MCTP2: variants seen among roughly 807,000 people sequenced by gnomAD.
The protein encoded by MCTP2 is multiple C2 and transmembrane domain-containing protein 2.
MCTP2 carries 132 observed loss-of-function variants against 111.6 expected under a neutral mutation model. The observed-to-expected ratio is 1.18, with a 90% CI of 1.03 to 1.37. The LOEUF (loss-of-function observed/expected upper bound fraction) is 1.37, where lower values mean the gene tolerates loss of function less well. Ranked by LOEUF, MCTP2 falls within the 40% of genes most tolerant of loss-of-function variation. MCTP2 has a pLI of 0.00. For missense variants in MCTP2, 1,183 were observed against 1,067.9 expected (o/e 1.11, Z -1.50); for synonymous variants, 395 against 387.7 (o/e 1.02, Z -0.22).
chr15:94,248,453 C>T (rs116599406), intron 1 of MCTP2, among the ~76,000 whole-genome samples: 2,420 of 152,288 alleles, frequency 0.016, 55 homozygotes, highest in African/African-American at 0.054. Flanking sequence ...ACTTTGCTCC[C>T]AATGAGAGCT....
intron 20 of MCTP2, among the ~76,000 whole-genome samples, chr15:94,459,823 C>T (rs1413030768): frequency 6.6e-6 from 1 of 152,116 alleles, no homozygotes; most frequent in Non-Finnish European, 1.5e-5. Context: ...ATAGCAACAC[C>T]AACTGTTATC....
In MCTP2 at chr15:94,470,342, C is replaced by A; in HGVS notation, c.2370C>A (p.Asn790Lys). The A allele has an allele frequency of 1.9e-6, 3 of 1,612,002 alleles. No individual in the cohort carries two copies. The highest frequency in any genetic ancestry group is 2.5e-6 in the Non-Finnish European group (3 of 1,178,102). The change falls in exon 21 of 23, where the codon AAC becomes AAA. Residue 790 changes from asparagine to lysine, a missense_variant. Asn to Lys is a moderately conservative substitution (Grantham distance 94). Transcript: ENST00000357742. Reference sequence around the variant, plus strand: ...TGTGGTTTGTCTACAGCACATTTAACTGGACGGTCCCCTTCCTTTCATCTC... The same window carrying A: ...TGTGGTTTGTCTACAGCACATTTAAATGGACGGTCCCCTTCCTTTCATCTC... ...SFGERIKNTF[N>K]WTVPFLSSLA...
intron 20 of MCTP2, among the ~76,000 whole-genome samples, chr15:94,466,892 C>G (rs1186443245): frequency 6.6e-6 from 1 of 152,022 alleles, no homozygotes; most frequent in Non-Finnish European, 1.5e-5. Flanking sequence ...ATGATAAAGT[C>G]TATTCCTTTT....
intron 20 of MCTP2, 22 bp from the exon 21 acceptor site, chr15:94,470,311 T>C (rs2073812303): frequency 6.7e-7 from 1 of 1,497,684 alleles, no homozygotes; most frequent in Middle Eastern, 1.7e-4. Flanking sequence ...GAGGAAATTA[T>C]ATTTATGTGG....
In MCTP2 at chr15:94,477,343, A is replaced by G. The variant is rs143148402; in HGVS notation, c.2568+550A>G. On this transcript the variant is annotated intron_variant, in intron 22 of 22. Coordinates refer to ENST00000357742, the MANE Select transcript of MCTP2 (RefSeq NM_001385001.1). Reference sequence around the variant, plus strand: ...AGGCAGTGTGAAATAATGTGAGATCAATCAGAAGTATTATTCACAGATAAT... The same window carrying G: ...AGGCAGTGTGAAATAATGTGAGATCGATCAGAAGTATTATTCACAGATAAT... Among the ~76,000 whole-genome samples, 449 of 152,336 alleles carry G rather than the reference A, an allele frequency of 2.9e-3. 2 individuals are homozygous for G. Among genetic ancestry groups the G allele is most frequent in the African/African-American group, 1.0e-2 (414 of 41,584 alleles).
intron 18 of MCTP2, among the ~76,000 whole-genome samples, chr15:94,440,904 C>A (rs907107454): frequency 6.6e-6 from 1 of 152,184 alleles, no homozygotes; most frequent in African/African-American, 2.4e-5. Context: ...ACTCATCTCA[C>A]TTCCACTCTG....
chr15:94,291,505 G>A (rs950786479), intron 1 of MCTP2, among the ~76,000 whole-genome samples: 1 of 152,162 alleles, frequency 6.6e-6, no homozygotes, highest in Non-Finnish European at 1.5e-5. Flanking sequence ...GGAGGCTGTG[G>A]CAGGAGAATT....
intron 1 of MCTP2, among the ~76,000 whole-genome samples, chr15:94,239,646 T>G (rs956304378): frequency 6.6e-6 from 1 of 152,238 alleles, no homozygotes; most frequent in Non-Finnish European, 1.5e-5. Flanking sequence ...CTTCAGCATT[T>G]TAGGCCTGTC....
intron 2 of MCTP2, among the ~76,000 whole-genome samples, chr15:94,308,175 A>G (rs185361516): frequency 1.0e-3 from 159 of 152,294 alleles, no homozygotes; most frequent in Middle Eastern, 3.4e-3. Context: ...CTAACAACCT[A>G]TAAGAATCTG....
chr15:94,270,647 C>A (rs561640396), intron 1 of MCTP2, among the ~76,000 whole-genome samples: 1 of 152,164 alleles, frequency 6.6e-6, no homozygotes, highest in African/African-American at 2.4e-5. Flanking sequence ...CCTCTCCTGG[C>A]CTTCTGCACT....
intron 17 of MCTP2, among the ~76,000 whole-genome samples, chr15:94,438,701 A>G (rs1234738437): frequency 6.6e-6 from 1 of 152,158 alleles, no homozygotes; most frequent in African/African-American, 2.4e-5. Context: ...TTTTGTTTAA[A>G]ACATGTTTTT....
intron 17 of MCTP2, chr15:94,403,078 A>T: frequency 1.0e-6 from 1 of 986,688 alleles, no homozygotes; most frequent in Non-Finnish European, 1.2e-6. Flanking sequence ...ATCAGCTCCA[A>T]AAGAGGCTTT....
chr15:94,307,274 G>T (rs549517764), intron 2 of MCTP2, among the ~76,000 whole-genome samples: 20 of 152,180 alleles, frequency 1.3e-4, no homozygotes, highest in Non-Finnish European at 2.1e-4. Flanking sequence ...TAGGTGCTGG[G>T]GGGGAGGTGT....
rs572123828 is a variant in MCTP2, at chr15:94,404,309, T to G, written c.2085+2290T>G. Among the ~76,000 whole-genome samples, 3 of 150,772 alleles carry G rather than the reference T, an allele frequency of 2.0e-5. No homozygotes were observed. In the South Asian group the frequency reaches 6.3e-4, roughly 32 times the overall value. ...TTCATCTCTTATTTTTTATTGTTTT[T>G]TTTTTTTTTTGTGACAGAGTCTGAC... On this transcript the variant is annotated intron_variant, in intron 17 of 22. Coordinates refer to ENST00000357742, the MANE Select transcript of MCTP2 (RefSeq NM_001385001.1).
intron 4 of MCTP2, among the ~76,000 whole-genome samples, chr15:94,334,958 T>C (rs1271319520): frequency 1.3e-5 from 2 of 152,220 alleles, no homozygotes; most frequent in Non-Finnish European, 2.9e-5. Flanking sequence ...TTAGATCACA[T>C]ACCCTTTCCC....
intron 12 of MCTP2, among the ~76,000 whole-genome samples, chr15:94,381,838 T>TC (rs1260119328): frequency 6.6e-6 from 1 of 152,184 alleles, no homozygotes; most frequent in African/African-American, 2.4e-5. Context: ...TCCAGCCTCT[T>TC]CCCCTGCAAA....
chr15:94,478,948 G>A lies in MCTP2; in HGVS notation c.2569-18G>A, dbSNP rs369193144. 157 of 1,613,318 alleles carry A rather than the reference G, an allele frequency of 9.7e-5. No homozygotes were observed. In the African/African-American group the frequency reaches 1.5e-3, roughly 15 times the overall value. On this transcript the variant is annotated intron_variant, in intron 22 of 22. Transcript: ENST00000357742. ...AGGGTTACCTAACCGCCAGCATCACGGCTATTTGTTTTCACAGGTGCAGTA... is the reference window on the plus strand; with the variant it reads ...AGGGTTACCTAACCGCCAGCATCACAGCTATTTGTTTTCACAGGTGCAGTA...
chr15:94,299,089 G>C (rs1317114221), intron 2 of MCTP2, among the ~76,000 whole-genome samples: 2 of 129,900 alleles, frequency 1.5e-5, no homozygotes. Flanking sequence ...AGTTATTTTC[G>C]TGGTTAGCTC....
intron 17 of MCTP2, among the ~76,000 whole-genome samples, chr15:94,411,931 TTC>T (rs2082170900): frequency 6.6e-6 from 1 of 152,162 alleles, no homozygotes; most frequent in South Asian, 2.1e-4. Context: ...TCTTTAAAAT[TTC>T]TGTTTTAATT....
Sources: gnomAD v4.1 joint callset for allele counts (sites outside exome capture counted in the v4.1 genomes callset) on GRCh38, gnomAD v4.1.1 for gene constraint, MANE v1.5 for transcripts, NCBI Gene and HGNC (gene_info 2026-07-23, HGNC 2026-07-21) for gene names.